NXPH1: variants seen among roughly 807,000 people sequenced by gnomAD.
NXPH1 encodes the protein neurexophilin 1.
A neutral mutation model predicts 23.7 loss-of-function variants in NXPH1; 5 were observed. The ratio of observed to expected loss-of-function variants is 0.21; its 90% CI spans 0.11 to 0.44. The LOEUF (loss-of-function observed/expected upper bound fraction) is 0.44. Among genes scored for constraint, NXPH1 ranks in the 20% least tolerant of loss-of-function variants. The probability of loss-of-function intolerance (pLI) is 0.99; values close to 1 mark genes in which losing one functional copy is unlikely to be tolerated. For missense variants in NXPH1, 324 were observed against 321.6 expected (o/e 1.01, Z -0.06); for synonymous variants, 144 against 122.2 (o/e 1.18, Z -1.18).
intron 2 of NXPH1, among the ~76,000 whole-genome samples, chr7:8,658,501 A>C (rs1197416609): frequency 6.6e-6 from 1 of 152,210 alleles, no homozygotes; most frequent in Non-Finnish European, 1.5e-5. Context: ...CTTCATGTTG[A>C]TTTGTGCTTA....
chr7:8,615,845 C>T (rs960547165), intron 2 of NXPH1, among the ~76,000 whole-genome samples: 14 of 151,938 alleles, frequency 9.2e-5, no homozygotes, highest in Non-Finnish European at 1.9e-4. Context: ...ATGACAGCTG[C>T]ATGGGTTATA....
chr7:8,713,008 C>T (rs1246091138), intron 2 of NXPH1, among the ~76,000 whole-genome samples: 8 of 150,944 alleles, frequency 5.3e-5, no homozygotes, highest in African/African-American at 1.9e-4. Context: ...GCTTTTTACC[C>T]CCCTCTCTCT....
chr7:8,711,796 G>A (rs1779799925), intron 2 of NXPH1, among the ~76,000 whole-genome samples: 1 of 152,190 alleles, frequency 6.6e-6, no homozygotes, highest in South Asian at 2.1e-4. Flanking sequence ...CCTGACCTCT[G>A]AGGAACTGAA....
At chr7:8,557,632 G>A (rs1360497773) in intron 2 of NXPH1, among the ~76,000 whole-genome samples, 1 of 151,660 alleles carries the variant, frequency 6.6e-6, no homozygotes, top group African/African-American at 2.4e-5. Context: ...TTTACCCATT[G>A]TTATTTCCTT....
chr7:8,729,645 C>T (rs1447237849), intron 2 of NXPH1, among the ~76,000 whole-genome samples: 15 of 138,620 alleles, frequency 1.1e-4, no homozygotes, highest in South Asian at 4.8e-4. Context: ...TGTAGTTGAG[C>T]GGTTTTGAGT....
chr7:8,725,262 G>A (rs1456055448), intron 2 of NXPH1, among the ~76,000 whole-genome samples: 2 of 152,186 alleles, frequency 1.3e-5, no homozygotes, highest in African/African-American at 4.8e-5. Flanking sequence ...TGCCAAGGCA[G>A]GCAGATCACT....
intron 2 of NXPH1, among the ~76,000 whole-genome samples, chr7:8,686,840 T>C (rs1190361052): frequency 1.3e-5 from 2 of 152,168 alleles, no homozygotes; most frequent in African/African-American, 4.8e-5. Context: ...TTGTCATTTA[T>C]GCCATCACTG....
intron 2 of NXPH1, among the ~76,000 whole-genome samples, chr7:8,610,802 A>C (rs186479197): frequency 7.9e-5 from 12 of 152,210 alleles, no homozygotes; most frequent in Non-Finnish European, 4.4e-5. Flanking sequence ...TCCATAGTAC[A>C]ATCAACACAC....
chr7:8,474,375 A>T (rs140298317), intron 2 of NXPH1, among the ~76,000 whole-genome samples: 30 of 152,270 alleles, frequency 2.0e-4, no homozygotes, highest in African/African-American at 6.7e-4. Context: ...ATTGTTTTAT[A>T]TATAGTACCA....
chr7:8,478,083 A>T (rs1399370376), intron 2 of NXPH1, among the ~76,000 whole-genome samples: 1 of 152,132 alleles, frequency 6.6e-6, no homozygotes, highest in African/African-American at 2.4e-5. Context: ...TGACAAGGAG[A>T]CATTGCAGTT....
chr7:8,712,550 A>G lies in NXPH1; in HGVS notation c.55-38458A>G, dbSNP rs1470647096. 5.3e-5 allele frequency among the ~76,000 whole-genome samples: 8 copies of G among 152,238 alleles called. No homozygotes were observed. The South Asian group carries it at 1.0e-3, about 20-fold the overall frequency. On this transcript the variant is annotated intron_variant, in intron 2 of 2. Coordinates refer to ENST00000405863, the MANE Select transcript of NXPH1 (RefSeq NM_152745.3). ...AGTCTCCACTCCTCATAAGATTTCA[A>G]TCGAATGAGAAAAAGAAAAAGCACA...
chr7:8,503,879 A>G (rs144734932), intron 2 of NXPH1, among the ~76,000 whole-genome samples: 194 of 151,956 alleles, frequency 1.3e-3, no homozygotes, highest in African/African-American at 4.3e-3. Flanking sequence ...GTAATCTCCA[A>G]TGCTTCCTTA....
At chr7:8,724,202 T>G (rs1251544163) in intron 2 of NXPH1, among the ~76,000 whole-genome samples, 1 of 152,178 alleles carries the variant, frequency 6.6e-6, no homozygotes, top group Non-Finnish European at 1.5e-5. Flanking sequence ...AAAGTTCCTG[T>G]CCATCTTTTT....
rs918148831 is a variant in NXPH1, at chr7:8,434,335, G to A, written c.-531G>A. 1.1e-4 allele frequency: 17 copies of A among 153,330 alleles called. No individual in the cohort carries two copies. The highest frequency in any genetic ancestry group is 3.6e-4 in the African/African-American group (15 of 41,450). The allele number at this position is 153,330 out of a possible 1,614,324, so 9.5% of individuals were successfully genotyped here. On this transcript the variant is annotated 5_prime_UTR_variant, in exon 1 of 3. Transcript: ENST00000405863. This position sits in a 1 kb window ranked among gnomAD's most constrained non-coding sequence, Gnocchi z 7.6. ...ATTTCCACCATCCTCAGGCAGCTGTGGGAAGCCGAGAGTCCTGGACTGTTC... is the reference window on the plus strand; with the variant it reads ...ATTTCCACCATCCTCAGGCAGCTGTAGGAAGCCGAGAGTCCTGGACTGTTC...
At chr7:8,687,205 C>A (rs1345709310) in intron 2 of NXPH1, among the ~76,000 whole-genome samples, 1 of 152,012 alleles carries the variant, frequency 6.6e-6, no homozygotes, top group Non-Finnish European at 1.5e-5. Context: ...ACTGTGATGA[C>A]TGGTGGAGTA....
intron 2 of NXPH1, among the ~76,000 whole-genome samples, chr7:8,602,416 C>G (rs575105944): frequency 2.0e-5 from 3 of 152,158 alleles, no homozygotes; most frequent in African/African-American, 7.2e-5. Flanking sequence ...CTTAAATTTT[C>G]TGATTTATAC....
intron 2 of NXPH1, among the ~76,000 whole-genome samples, chr7:8,449,099 G>A (rs1306179852): frequency 2.0e-5 from 3 of 152,200 alleles, no homozygotes; most frequent in Admixed American, 2.0e-4. Context: ...TAGCCTACTG[G>A]GTTTCAAAGT....
chr7:8,749,499 T>C (rs1354990556), intron 2 of NXPH1, among the ~76,000 whole-genome samples: 1 of 151,968 alleles, frequency 6.6e-6, no homozygotes, highest in Non-Finnish European at 1.5e-5. Context: ...CTAACAAGAG[T>C]CCCACACAGC....
rs1468500909 is a variant in NXPH1, at chr7:8,638,809, A to C, written c.55-112199A>C. 2.0e-5 allele frequency among the ~76,000 whole-genome samples: 3 copies of C among 152,108 alleles called. No homozygotes were observed. The East Asian group carries it at 5.8e-4, about 29-fold the overall frequency. ...TAATATAACCCATCTTGGCTGCATT[A>C]TTTTTTACCCACTGCACTTTACTGC... On this transcript the variant is annotated intron_variant, in intron 2 of 2. Transcript: ENST00000405863.
Sources: allele counts gnomAD v4.1 joint callset (sites outside exome capture counted in the v4.1 genomes callset), GRCh38; gene constraint gnomAD v4.1.1; non-coding constraint Gnocchi (gnomAD v3.1); transcripts MANE v1.5; gene names NCBI Gene and HGNC (gene_info 2026-07-23, HGNC 2026-07-21).